PRAMEF7: variants seen among roughly 807,000 people sequenced by gnomAD.
PRAMEF7 encodes the protein PRAME family member 7.
In PRAMEF7, 2 loss-of-function variants were observed where a neutral mutation model predicts 12.3. That is an observed-to-expected ratio of 0.16 (90% CI 0.07 to 0.51). PRAMEF7 has a LOEUF of 0.51. Ranked by LOEUF, PRAMEF7 falls within the 20% of genes least tolerant of loss-of-function variation. The pLI, the probability that PRAMEF7 is intolerant of heterozygous loss-of-function variation, is 0.95. For missense variants in PRAMEF7, 14 were observed against 275.4 expected (o/e 0.05, Z 6.72); for synonymous variants, 5 against 117.1 (o/e 0.04, Z 6.18).
In PRAMEF7 at chr1:12,919,917, A is replaced by G; in HGVS notation, c.929A>G (p.Lys310Arg). 2 of 845,060 alleles carry G rather than the reference A, an allele frequency of 2.4e-6. 1 individual carries two copies. The highest frequency in any genetic ancestry group is 3.1e-6 in the Non-Finnish European group (2 of 649,866). 52.3% of individuals were successfully genotyped at this position (845,060 alleles called of 1,614,324 possible). A position where few individuals can be genotyped will look rare whatever the true frequency, so the allele number is the denominator to read the frequency against. The change falls in exon 3 of 3, where the codon AAG (lysine) becomes AGG (arginine). Residue 310 changes from lysine (K) to arginine (R), a missense_variant. Transcript: ENST00000330881. ...TGCCTGCTGTCAGAGTCAGACTTGA[A>G]GCATCTCTCTTGGTGCCCGAGCATC...
exon 1 of PRAMEF7, chr1:12,917,859 T>G (rs1641438473): frequency 1.1e-6 from 1 of 872,238 alleles, no homozygotes; most frequent in Non-Finnish European, 1.5e-6. Flanking sequence ...AAAACAATGG[T>G]GCAGGCCTGG....
chr1:12,918,446 G>A (rs199648834), exon 2 of PRAMEF7: 14 of 18,592 alleles, frequency 7.5e-4, no homozygotes, highest in Non-Finnish European at 1.1e-3. Context: ...CATCCTTCCC[G>A]GAGGCTCTGA....
At position 12,920,403 on chromosome 1, in the gene PRAMEF7, GCC is replaced by G. The variant is rs1484779688; in HGVS notation, c.1416_1417del (p.Cys474LeufsTer?). On this transcript the variant is annotated frameshift_variant, in exon 3 of 3. Transcript: ENST00000330881. LOFTEE classifies it high-confidence loss of function. ...TCCTATGACCTGGAGCCCAGTCACT[GCC>G]TCTGTTGAATGCCTGCCATCAGGGT... The G allele has an allele frequency of 3.8e-6, 6 of 1,559,684 alleles. No homozygotes were observed. The highest frequency in any genetic ancestry group is 5.2e-6 in the Non-Finnish European group (6 of 1,151,830).
chr1:12,919,602 A>T (rs1641447574), intron 2 of PRAMEF7, among the ~76,000 whole-genome samples: 1 of 147,808 alleles, frequency 6.8e-6, no homozygotes, highest in Non-Finnish European at 1.5e-5. Context: ...TGGCCCAGAG[A>T]TGTGGTTTTC....
At chr1:12,919,510 C>T (rs1305367170) in intron 2 of PRAMEF7, among the ~76,000 whole-genome samples, 1 of 151,866 alleles carries the variant, frequency 6.6e-6, no homozygotes, top group Non-Finnish European at 1.5e-5. Flanking sequence ...GTCAGGGTCC[C>T]CTGCAACCTG....
At chr1:12,919,769 AG>A in intron 2 of PRAMEF7, 82 bp from the exon 4 acceptor site, 1 of 704,258 alleles carries the variant, frequency 1.4e-6, no homozygotes, top group Non-Finnish European at 2.3e-6. Flanking sequence ...TGAGCAGAGC[AG>A]CCCTGGGTTA....
chr1:12,919,915 G>A, exon 3 of PRAMEF7: 1 of 844,970 alleles, frequency 1.2e-6, no homozygotes, highest in Non-Finnish European at 1.5e-6. Flanking sequence ...AGTCAGACTT[G>A]AAGCATCTCT....
In PRAMEF7 at chr1:12,920,301, AC is replaced by A. The variant is rs1641459392; in HGVS notation, c.1314del (p.Asn438LysfsTer3). On this transcript the variant is annotated frameshift_variant, in exon 3 of 3. Transcript: ENST00000330881. LOFTEE classifies it high-confidence loss of function. The stretch of plus-strand genomic sequence containing the variant: ...GCTGAACTTGGGGCTGAGCTGATGA[AC>A]ACACTGAGGGACTTAAGGCAGCCCA... 1 of 1,612,084 alleles carries A rather than the reference AC, an allele frequency of 6.2e-7. No homozygotes were observed. Among genetic ancestry groups the A allele is most frequent in the African/African-American group, 1.4e-5 (1 of 73,928 alleles).
In PRAMEF7 at chr1:12,917,735, C is replaced by T. The variant is rs2100466337; in HGVS notation, c.43C>T (p.Gln15Ter). The change falls in exon 1 of 3, where the codon CAG (glutamine) becomes TAG (stop). Residue 15 changes from glutamine to a stop codon, truncating the protein, a stop_gained. Transcript: ENST00000330881. LOFTEE classifies it high-confidence loss of function. ...ACCCAGACTCCTGGAGCTGGCAAGG[C>T]AGAGGCTGCTGAGGGACCAGGCCTT... is the stretch of plus-strand genomic sequence containing the variant. 1.2e-6 allele frequency: 1 copy of T among 823,990 alleles called. No homozygotes were observed. Among genetic ancestry groups the T allele is most frequent in the East Asian group, 4.5e-5 (1 of 22,408 alleles). The allele number at this position is 823,990 out of a possible 1,614,324, so 51.0% of individuals were successfully genotyped here.
chr1:12,917,949 ATGTGCTGT>A lies in PRAMEF7; in HGVS notation c.260_267del (p.Val87AspfsTer21). 1.5e-6 allele frequency: 1 copy of A among 682,772 alleles called. No individual in the cohort carries two copies. The highest frequency in any genetic ancestry group is 2.1e-6 in the Non-Finnish European group (1 of 482,942). The allele number at this position is 682,772 out of a possible 1,614,324, so 42.3% of individuals were successfully genotyped here. ...TTAAAATCTGTGCTGGAAGGGGTTGATGTGCTGTTGACCCAAGAGGTTCGCCCCAGGTG... is the reference window on the plus strand; with the variant it reads ...TTAAAATCTGTGCTGGAAGGGGTTGATGACCCAAGAGGTTCGCCCCAGGTG... On this transcript the variant is annotated frameshift_variant, in exon 1 of 3. Coordinates refer to ENST00000330881, the Ensembl canonical transcript of PRAMEF7. LOFTEE classifies it high-confidence loss of function.
chr1:12,920,523 GCCT>G (rs1641463508), downstream of PRAMEF7: 8 of 693,916 alleles, frequency 1.2e-5, no homozygotes, highest in Non-Finnish European at 1.6e-5. Flanking sequence ...CGTTTCAAAT[GCCT>G]CCTCAGTGTG....
intron 2 of PRAMEF7, among the ~76,000 whole-genome samples, chr1:12,919,527 C>A (rs1236794170): frequency 6.6e-6 from 1 of 151,924 alleles, no homozygotes; most frequent in Admixed American, 6.5e-5. Context: ...CCTGGCCAAC[C>A]CAGCTGATGT....
At chr1:12,919,900 G>T in exon 3 of PRAMEF7, 1 of 844,370 alleles carries the variant, frequency 1.2e-6, no homozygotes, top group Non-Finnish European at 1.5e-6. Flanking sequence ...ACTGCCTGCT[G>T]TCAGAGTCAG....
rs372890610 is a variant in PRAMEF7, at chr1:12,919,933, C to A, written c.945C>A (p.Cys315Ter). 11 of 849,894 alleles carry A rather than the reference C, an allele frequency of 1.3e-5. 4 individuals carry two copies. Among genetic ancestry groups the A allele is most frequent in the Non-Finnish European group, 1.7e-5 (11 of 652,126 alleles). The allele number at this position is 849,894 out of a possible 1,614,324, so 52.6% of individuals were successfully genotyped here. A position where few individuals can be genotyped will look rare whatever the true frequency, so the allele number is the denominator to read the frequency against. The change falls in exon 3 of 3, where the codon TGC becomes TGA. Residue 315 changes from cysteine to a stop codon, truncating the protein, a stop_gained. Coordinates refer to ENST00000330881, the Ensembl canonical transcript of PRAMEF7. LOFTEE classifies it high-confidence loss of function. ...CAGACTTGAAGCATCTCTCTTGGTG[C>A]CCGAGCATCCGTCAATTAAAGGAGC... is the stretch of plus-strand genomic sequence containing the variant.
upstream of PRAMEF7, among the ~76,000 whole-genome samples, chr1:12,917,326 GT>G (rs1641432772): frequency 7.8e-6 from 1 of 127,690 alleles, no homozygotes; most frequent in South Asian, 2.9e-4. Flanking sequence ...CATTCTCATT[GT>G]TTTTGGGTGG....
Position 12,918,708 on chromosome 1 carries a change from TGCCC to T in PRAMEF7, c.635_638del (p.Cys212SerfsTer8). Reference sequence around the variant, plus strand: ...CTGTATCCAGGAGGTGGAAGTGTGCTGCCCCTGGGAGCTGTCCACTCTTGTGAAG... The same window carrying T: ...CTGTATCCAGGAGGTGGAAGTGTGCTCTGGGAGCTGTCCACTCTTGTGAAG... On this transcript the variant is annotated frameshift_variant, in exon 2 of 3. Transcript: ENST00000330881. LOFTEE classifies it high-confidence loss of function. 1.2e-5 allele frequency: 1 copy of T among 84,798 alleles called. No individual in the cohort carries two copies. The highest frequency in any genetic ancestry group is 1.7e-4 in the Admixed American group (1 of 5,858). 5.3% of individuals were successfully genotyped at this position (84,798 alleles called of 1,614,324 possible).
Position 12,920,338 on chromosome 1 carries a change from GT to G in PRAMEF7, c.1352del (p.Phe451SerfsTer46). 6.2e-7 allele frequency: 1 copy of G among 1,604,998 alleles called. No individual in the cohort carries two copies. The highest frequency in any genetic ancestry group is 8.5e-7 in the Non-Finnish European group (1 of 1,176,986). ...ACTTAAGGCAGCCCAAGATCATTGT[GT>G]TCTGCACCGTCCCCTGCCCTCGCTG... is the stretch of plus-strand genomic sequence containing the variant. On this transcript the variant is annotated frameshift_variant, in exon 3 of 3. Coordinates refer to ENST00000330881, the Ensembl canonical transcript of PRAMEF7. LOFTEE classifies it high-confidence loss of function.
At chr1:12,920,590 TG>T, downstream of PRAMEF7, 3 of 494,656 alleles carry the variant, frequency 6.1e-6, no homozygotes, top group East Asian at 9.3e-5. Flanking sequence ...AAAGTTGACT[TG>T]GAGTGGATGG....
rs761107262 is a variant in PRAMEF7, at chr1:12,919,902, C to T, written c.914C>T (p.Ser305Leu). 3.6e-6 allele frequency: 3 copies of T among 844,472 alleles called. 1 individual carries two copies. In the Admixed American group the frequency reaches 8.3e-5, roughly 23 times the overall value. 52.3% of individuals were successfully genotyped at this position (844,472 alleles called of 1,614,324 possible). Reference sequence around the variant, plus strand: ...GTCGTTATGACCGACTGCCTGCTGTCAGAGTCAGACTTGAAGCATCTCTCT... The same window carrying T: ...GTCGTTATGACCGACTGCCTGCTGTTAGAGTCAGACTTGAAGCATCTCTCT... Residue 305 changes from serine (S) to leucine (L), a missense_variant, in exon 3 of 3, where the codon TCA becomes TTA. Ser to Leu is a moderately radical substitution (Grantham distance 145). Transcript: ENST00000330881.
Sources: gnomAD v4.1 joint callset for allele counts (sites outside exome capture counted in the v4.1 genomes callset) on GRCh38, gnomAD v4.1.1 for gene constraint, MANE v1.5 for transcripts, NCBI Gene and HGNC (gene_info 2026-07-23, HGNC 2026-07-21) for gene names.